Variants in KCNB2 observed in about 807,000 individuals in gnomAD.
KCNB2 encodes delayed rectifier potassium channel protein.
KCNB2 carries 15 observed loss-of-function variants against 61.5 expected under a neutral mutation model. The observed-to-expected ratio is 0.24, with a 90% CI of 0.16 to 0.38. The LOEUF (loss-of-function observed/expected upper bound fraction) is 0.38. Ranked by LOEUF, KCNB2 falls within the 10% of genes least tolerant of loss-of-function variation. The pLI is 1.00. For synonymous variants in KCNB2, 457 were observed against 446.0 expected (o/e 1.02, Z -0.31); for missense variants, 828 against 1,125.2 (o/e 0.74, Z 3.78).
intron 2 of KCNB2, among the ~76,000 whole-genome samples, chr8:72,821,254 G>A (rs1297119977): frequency 6.6e-5 from 10 of 152,064 alleles, no homozygotes; most frequent in African/African-American, 2.2e-4. Flanking sequence ...AGTCTGATCT[G>A]CTTTTTAAAA....
At chr8:72,590,691 A>G (rs1369127511) in intron 2 of KCNB2, among the ~76,000 whole-genome samples, 1 of 152,150 alleles carries the variant, frequency 6.6e-6, no homozygotes, top group Non-Finnish European at 1.5e-5. Flanking sequence ...CATTTTTTAA[A>G]ATGCTTAATG....
At chr8:72,820,259 C>T (rs1392390825) in intron 2 of KCNB2, among the ~76,000 whole-genome samples, 2 of 152,196 alleles carry the variant, frequency 1.3e-5, no homozygotes, top group Non-Finnish European at 2.9e-5. Flanking sequence ...AGCCCACCAA[C>T]AAGTACTGGA....
intron 2 of KCNB2, among the ~76,000 whole-genome samples, chr8:72,636,735 C>G (rs1805972226): frequency 6.6e-6 from 1 of 152,114 alleles, no homozygotes; most frequent in Non-Finnish European, 1.5e-5. Context: ...TACATCAAGT[C>G]AAATCTTATG....
At chr8:72,757,574 G>A (rs1189882836) in intron 2 of KCNB2, among the ~76,000 whole-genome samples, 1 of 152,162 alleles carries the variant, frequency 6.6e-6, no homozygotes, top group Non-Finnish European at 1.5e-5. Context: ...TAGTGGGAGG[G>A]AGGGATAGGT....
chr8:72,618,434 A>G (rs868210327), intron 2 of KCNB2, among the ~76,000 whole-genome samples: 6 of 152,224 alleles, frequency 3.9e-5, no homozygotes, highest in African/African-American at 1.4e-4. Context: ...AGATTTTAAT[A>G]AACATAAATT....
intron 2 of KCNB2, among the ~76,000 whole-genome samples, chr8:72,834,086 CATAA>C (rs1809740089): frequency 2.0e-5 from 3 of 152,112 alleles, no homozygotes; most frequent in African/African-American, 7.2e-5. Flanking sequence ...CTGTTTTTCA[CATAA>C]ATTAATTATT....
chr8:72,725,115 G>T (rs192201997), intron 2 of KCNB2, among the ~76,000 whole-genome samples: 6 of 151,988 alleles, frequency 3.9e-5, no homozygotes, highest in African/African-American at 1.2e-4. Context: ...TATTTTGTTT[G>T]CAGCAAAAGA....
chr8:72,573,688 C>G (rs1214223286), intron 2 of KCNB2, among the ~76,000 whole-genome samples: 1 of 150,952 alleles, frequency 6.6e-6, no homozygotes, highest in Non-Finnish European at 1.5e-5. Context: ...ATTGAGGCCC[C>G]TCTGTGTACT....
intron 2 of KCNB2, among the ~76,000 whole-genome samples, chr8:72,766,213 C>T (rs1808459044): frequency 6.6e-6 from 1 of 152,132 alleles, no homozygotes; most frequent in African/African-American, 2.4e-5. Flanking sequence ...CACAGATTCC[C>T]AGGTTTCAGC....
chr8:72,687,015 G>C (rs1268306141), intron 2 of KCNB2, among the ~76,000 whole-genome samples: 1 of 152,162 alleles, frequency 6.6e-6, no homozygotes, highest in East Asian at 1.9e-4. Flanking sequence ...CATAGCATCA[G>C]TTACCTAGGG....
At chr8:72,856,677 C>T (rs1156401736) in intron 2 of KCNB2, among the ~76,000 whole-genome samples, 1 of 151,958 alleles carries the variant, frequency 6.6e-6, no homozygotes, top group African/African-American at 2.4e-5. Flanking sequence ...TTTATGAATC[C>T]CTGTTCTTGG....
chr8:72,546,422 G>T (rs1223574767), intron 1 of KCNB2, among the ~76,000 whole-genome samples: 1 of 151,898 alleles, frequency 6.6e-6, no homozygotes, highest in Non-Finnish European at 1.5e-5. Flanking sequence ...GGAGGCTGAG[G>T]CAGAGAATTG....
chr8:72,769,250 A>G lies in KCNB2; in HGVS notation c.580-166685A>G, dbSNP rs1808520084. ...TTGATTAAAAGATTCACTGCAAACT[A>G]GATAAGGTGGATATGTATGCTGGAC... is the stretch of plus-strand genomic sequence containing the variant. On this transcript the variant is annotated intron_variant, in intron 2 of 2. Coordinates refer to ENST00000523207, the MANE Select transcript of KCNB2 (RefSeq NM_004770.3). Among the ~76,000 whole-genome samples the G allele has an allele frequency of 1.3e-5, 2 of 152,060 alleles. 1 individual carries two copies. Among genetic ancestry groups the G allele is most frequent in the South Asian group, 4.2e-4 (2 of 4,818 alleles).
intron 2 of KCNB2, among the ~76,000 whole-genome samples, chr8:72,908,725 G>A (rs552288929): frequency 8.5e-5 from 13 of 152,272 alleles, no homozygotes; most frequent in South Asian, 6.2e-4. Flanking sequence ...CAGCAGGAGC[G>A]CAGGAGCTGA....
intron 2 of KCNB2, among the ~76,000 whole-genome samples, chr8:72,710,190 CT>C (rs1413123474): frequency 2.0e-5 from 3 of 152,260 alleles, no homozygotes; most frequent in Admixed American, 2.0e-4. Flanking sequence ...CATGAGTGAG[CT>C]ATTTAAATTT....
intron 2 of KCNB2, among the ~76,000 whole-genome samples, chr8:72,907,429 G>A (rs1585967564): frequency 6.6e-6 from 1 of 152,036 alleles, no homozygotes; most frequent in Admixed American, 6.6e-5. Context: ...AGTAGAAGGA[G>A]GAGGAGGAAG....
In KCNB2 at chr8:72,937,549, A is replaced by C. The variant is rs1806946422; in HGVS notation, c.2194A>C (p.Ser732Arg). 2.5e-6 allele frequency: 4 copies of C among 1,614,030 alleles called. No homozygotes were observed. In the East Asian group the frequency reaches 8.9e-5, roughly 36 times the overall value. Residue 732 changes from serine to arginine, a missense_variant, in exon 3 of 3, where the codon AGC becomes CGC. This residue lies in a region of KCNB2 where 559 missense variants were observed against 588.4 expected (regional missense o/e 0.95). Transcript: ENST00000523207. ...AGGCAGTGCACCACAGACCCCGCCC[A>C]GCACAGCCAGGCCACTGCCAGTCAC... ...NRGSAPQTPPSTARPLPVTTA... is the reference protein window; with the variant it reads ...NRGSAPQTPPRTARPLPVTTA...
chr8:72,735,981 T>C (rs1257924128), intron 2 of KCNB2, among the ~76,000 whole-genome samples: 1 of 152,160 alleles, frequency 6.6e-6, no homozygotes, highest in Non-Finnish European at 1.5e-5. Flanking sequence ...GAATACGGTA[T>C]GGAAACAATT....
At chr8:72,602,073 G>C (rs999296915) in intron 2 of KCNB2, among the ~76,000 whole-genome samples, 3 of 152,114 alleles carry the variant, frequency 2.0e-5, no homozygotes, top group Non-Finnish European at 2.9e-5. Context: ...GGCAGTGAGG[G>C]GGAAGAAATC....
Sources: gnomAD v4.1 joint callset for allele counts (sites outside exome capture counted in the v4.1 genomes callset) on GRCh38, gnomAD v4.1.1 for gene constraint, gnomAD v4.1.1 regional missense constraint, MANE v1.5 for transcripts, NCBI Gene and HGNC (gene_info 2026-07-23, HGNC 2026-07-21) for gene names.